SLC44A5: variants seen among roughly 807,000 people sequenced by gnomAD.
SLC44A5 encodes the protein choline transporter-like protein 5.
SLC44A5 carries 57 observed loss-of-function variants against 101.8 expected under a neutral mutation model. That is an observed-to-expected ratio of 0.56 (90% CI 0.45 to 0.70). The LOEUF is 0.70. Among genes scored for constraint, SLC44A5 ranks in the 30% least tolerant of loss-of-function variants. SLC44A5 has a pLI of 0.00. For missense variants in SLC44A5, 737 were observed against 853.1 expected (o/e 0.86, Z 1.70); for synonymous variants, 281 against 290.9 (o/e 0.97, Z 0.35).
At chr1:75,469,900 G>GAAAAAAAAAAAAAAAAA (rs1171157547) in intron 2 of SLC44A5, among the ~76,000 whole-genome samples, 3 of 80,564 alleles carry the variant, frequency 3.7e-5, no homozygotes, top group South Asian at 4.4e-4. Context: ...ACCTTGTGAA[G>GAAAAAAAAAAAAAAAAA]AAAAAAAAAA....
chr1:75,595,930 C>T (rs1163644986), intron 1 of SLC44A5, among the ~76,000 whole-genome samples: 2 of 152,096 alleles, frequency 1.3e-5, no homozygotes, highest in Non-Finnish European at 1.5e-5. Context: ...GCATCACATT[C>T]ATTTGTACCT....
chr1:75,405,186 G>C (rs1274522300), intron 2 of SLC44A5, among the ~76,000 whole-genome samples: 1 of 152,140 alleles, frequency 6.6e-6, no homozygotes, highest in African/African-American at 2.4e-5. Context: ...GGAGCACCCA[G>C]ATTCATAAGA....
chr1:75,557,028 T>G (rs1672257955), intron 1 of SLC44A5, among the ~76,000 whole-genome samples: 1 of 152,114 alleles, frequency 6.6e-6, no homozygotes, highest in Non-Finnish European at 1.5e-5. Flanking sequence ...TTTGCCTATT[T>G]GTCATTGGCC....
chr1:75,700,251 T>G, the SLC44A5 span, among the ~76,000 whole-genome samples: 1 of 152,274 alleles, frequency 6.6e-6, no homozygotes, highest in East Asian at 1.9e-4. Flanking sequence ...ACCACATACT[T>G]GGAAGTAAAG....
chr1:75,203,812 T>C lies in SLC44A5; in HGVS notation c.2069A>G (p.Asp690Gly), dbSNP rs1452938751. The stretch of plus-strand genomic sequence containing the variant: ...ATAATAAGGTCTTGCAGTAGAACCA[T>C]CATTTCTTTCTAAATCTTCCACTAG... ...ICFLEDLERN[D>G]GSTARPYYVS... is the part of the protein sequence containing the mutation. Residue 690 changes from aspartate to glycine, a missense_variant, in exon 24 of 24, where the codon GAT becomes GGT. By Grantham distance (94) the Asp-to-Gly change is moderately conservative (BLOSUM62 -1). Coordinates refer to ENST00000370859, the MANE Select transcript of SLC44A5 (RefSeq NM_001130058.2). 3.2e-5 allele frequency: 50 copies of C among 1,548,836 alleles called. No homozygotes were observed. The highest frequency in any genetic ancestry group is 4.4e-5 in the Non-Finnish European group (50 of 1,145,712).
At chr1:75,261,583 C>A in intron 6 of SLC44A5, among the ~76,000 whole-genome samples, 1 of 152,050 alleles carries the variant, frequency 6.6e-6, no homozygotes, top group East Asian at 1.9e-4. Flanking sequence ...CAAATTCCAC[C>A]AGAGGTACAA....
chr1:75,315,854 G>T (rs1325101160), intron 4 of SLC44A5, among the ~76,000 whole-genome samples: 1 of 151,970 alleles, frequency 6.6e-6, no homozygotes, highest in African/African-American at 2.4e-5. Context: ...TAAAAATTCT[G>T]CCATTCTTGA....
At chr1:75,675,814 G>T in the SLC44A5 span, among the ~76,000 whole-genome samples, 1 of 151,944 alleles carries the variant, frequency 6.6e-6, no homozygotes, top group Non-Finnish European at 1.5e-5. Context: ...ATCTAACAAA[G>T]GTCTAATATC....
At chr1:75,643,385 A>G in the SLC44A5 span, among the ~76,000 whole-genome samples, 13 of 152,332 alleles carry the variant, frequency 8.5e-5, no homozygotes, top group East Asian at 2.5e-3. Context: ...TTTTCTAAGT[A>G]GAACTAAATT....
At chr1:75,536,654 T>TA (rs1283114828) in intron 2 of SLC44A5, among the ~76,000 whole-genome samples, 2 of 138,948 alleles carry the variant, frequency 1.4e-5, no homozygotes, top group African/African-American at 2.6e-5. Flanking sequence ...TGGCCCATGA[T>TA]AAAAAATAAA....
At chr1:75,681,866 C>G in the SLC44A5 span, among the ~76,000 whole-genome samples, 1 of 152,212 alleles carries the variant, frequency 6.6e-6, no homozygotes, top group Non-Finnish European at 1.5e-5. Flanking sequence ...ACCCCACTGT[C>G]TCAGCCCAAA....
chr1:75,486,968 T>C (rs1668184624), intron 2 of SLC44A5, among the ~76,000 whole-genome samples: 2 of 152,182 alleles, frequency 1.3e-5, no homozygotes, highest in South Asian at 4.1e-4. Context: ...ATTTTCTACA[T>C]GGGTAGAAGA....
At chr1:75,306,523 A>G (rs1570630208) in intron 4 of SLC44A5, among the ~76,000 whole-genome samples, 1 of 152,084 alleles carries the variant, frequency 6.6e-6, no homozygotes, top group South Asian at 2.1e-4. Context: ...GGACATTGCT[A>G]TCTCCAGTAA....
At chr1:75,375,588 G>A (rs1442878792) in intron 3 of SLC44A5, among the ~76,000 whole-genome samples, 1 of 152,138 alleles carries the variant, frequency 6.6e-6, no homozygotes, top group Non-Finnish European at 1.5e-5. Flanking sequence ...CTGTAGAAAA[G>A]GGTCATATCA....
intron 4 of SLC44A5, 121 bp downstream of exon 4, chr1:75,339,461 T>C (rs1657699331): frequency 1.4e-6 from 1 of 720,842 alleles, no homozygotes; most frequent in Non-Finnish European, 2.3e-6. Flanking sequence ...GGCAGAAATA[T>C]ATCATTTTCC....
At chr1:75,353,716 T>A (rs1414621246) in intron 3 of SLC44A5, among the ~76,000 whole-genome samples, 3 of 152,214 alleles carry the variant, frequency 2.0e-5, no homozygotes, top group Non-Finnish European at 4.4e-5. Context: ...TTTCACATTT[T>A]AAAAGTCTAA....
chr1:75,652,602 C>T, the SLC44A5 span, among the ~76,000 whole-genome samples: 3 of 152,294 alleles, frequency 2.0e-5, no homozygotes, highest in South Asian at 6.2e-4. Flanking sequence ...CAAGATCAGC[C>T]TGGGCAGCAT....
intron 2 of SLC44A5, among the ~76,000 whole-genome samples, chr1:75,490,323 T>C (rs769732666): frequency 2.6e-5 from 4 of 152,146 alleles, no homozygotes; most frequent in Admixed American, 6.6e-5. Context: ...GATTCGTTCA[T>C]TTAAAATTGC....
chr1:75,285,543 C>T (rs1652970152), intron 5 of SLC44A5, among the ~76,000 whole-genome samples: 1 of 151,784 alleles, frequency 6.6e-6, no homozygotes, highest in Admixed American at 6.6e-5. Context: ...TTCTCTGGTT[C>T]CTTGAGGTGT....
Sources: gnomAD v4.1 joint callset for allele counts (sites outside exome capture counted in the v4.1 genomes callset) on GRCh38, gnomAD v4.1.1 for gene constraint, MANE v1.5 for transcripts, NCBI Gene and HGNC (gene_info 2026-07-23, HGNC 2026-07-21) for gene names.